Variants in FBXW10B observed in about 807,000 individuals in gnomAD.
FBXW10B encodes F-box and WD repeat domain containing 10B.
chr17:15,593,260 G>A, the FBXW10B span: 8 of 1,601,596 alleles, frequency 5.0e-6, no homozygotes, highest in African/African-American at 8.1e-5. Flanking sequence ...ATCCAGGGCT[G>A]GTATCCCAGG....
chr17:15,602,221 G>A, the FBXW10B span, among the ~76,000 whole-genome samples: 2 of 152,080 alleles, frequency 1.3e-5, no homozygotes, highest in Non-Finnish European at 2.9e-5. Flanking sequence ...TCAAGGAGGG[G>A]GATTTTGATT....
At chr17:15,578,396 C>T in the FBXW10B span, among the ~76,000 whole-genome samples, 3 of 151,576 alleles carry the variant, frequency 2.0e-5, no homozygotes, top group African/African-American at 7.3e-5. Flanking sequence ...AGTTTTATTT[C>T]CCAGCTTCAT....
chr17:15,606,671 A>G, the FBXW10B span, among the ~76,000 whole-genome samples: 1 of 151,892 alleles, frequency 6.6e-6, no homozygotes, highest in African/African-American at 2.4e-5. Flanking sequence ...GTATATGTAC[A>G]CACATATATA....
the FBXW10B span, among the ~76,000 whole-genome samples, chr17:15,601,403 C>T: frequency 4.8e-5 from 6 of 124,320 alleles, no homozygotes; most frequent in East Asian, 6.5e-4. Flanking sequence ...AGCAAGACTC[C>T]GTCTCAAAAA....
the FBXW10B span, among the ~76,000 whole-genome samples, chr17:15,567,692 T>C: frequency 0.017 from 2,576 of 152,232 alleles, 85 homozygotes; most frequent in African/African-American, 0.058. Flanking sequence ...AAATCCTGTC[T>C]CAGAGAAAAG....
At chr17:15,604,773 G>A in the FBXW10B span, among the ~76,000 whole-genome samples, 1 of 151,976 alleles carries the variant, frequency 6.6e-6, no homozygotes, top group Non-Finnish European at 1.5e-5. Context: ...TCCTGACCTC[G>A]TGACCCGCCC....
At chr17:15,595,918 CTTT>C in the FBXW10B span, among the ~76,000 whole-genome samples, 2 of 140,802 alleles carry the variant, frequency 1.4e-5, no homozygotes, top group Non-Finnish European at 3.1e-5. Flanking sequence ...ATGCAATACT[CTTT>C]TTTTTTTTTT....
At chr17:15,601,840 C>T in the FBXW10B span, among the ~76,000 whole-genome samples, 29 of 152,220 alleles carry the variant, frequency 1.9e-4, no homozygotes, top group Admixed American at 2.6e-4. Flanking sequence ...AGGCCGGGCG[C>T]GGTGGCTCAT....
the FBXW10B span, among the ~76,000 whole-genome samples, chr17:15,600,982 C>T: frequency 1.8e-5 from 2 of 111,786 alleles, no homozygotes; most frequent in Non-Finnish European, 3.3e-5. Flanking sequence ...ATCAGGGAGT[C>T]GGAGGTTACA....
the FBXW10B span, among the ~76,000 whole-genome samples, chr17:15,607,109 TCTA>T: frequency 6.6e-6 from 1 of 150,974 alleles, no homozygotes; most frequent in Non-Finnish European, 1.5e-5. Context: ...TAACACCACT[TCTA>T]CTAAAATATG....
the FBXW10B span, among the ~76,000 whole-genome samples, chr17:15,582,354 T>G: frequency 6.6e-6 from 1 of 151,868 alleles, no homozygotes; most frequent in Non-Finnish European, 1.5e-5. Context: ...AAATGAACAC[T>G]CTTTTCTAAC....
At chr17:15,594,901 A>T in the FBXW10B span, 4 of 1,221,992 alleles carry the variant, frequency 3.3e-6, no homozygotes, top group South Asian at 2.9e-5. Flanking sequence ...CTGCAAGAAA[A>T]GATACCACTG....
At chr17:15,598,687 C>T in the FBXW10B span, 1 of 1,592,736 alleles carries the variant, frequency 6.3e-7, no homozygotes, top group South Asian at 1.1e-5. Flanking sequence ...TGTGAGAGTT[C>T]CTGAGGGCCC....
chr17:15,588,810 T>G, the FBXW10B span: 2 of 1,419,466 alleles, frequency 1.4e-6, no homozygotes, highest in Non-Finnish European at 2.0e-6. Flanking sequence ...GTGATTGAGT[T>G]GAGTTGGAGA....
At chr17:15,603,699 C>T in the FBXW10B span, among the ~76,000 whole-genome samples, 2 of 149,422 alleles carry the variant, frequency 1.3e-5, no homozygotes, top group South Asian at 4.4e-4. Context: ...AAGAATATAC[C>T]TTTAAAAAAC....
the FBXW10B span, among the ~76,000 whole-genome samples, chr17:15,599,273 T>C: frequency 7.2e-6 from 1 of 139,076 alleles, no homozygotes; most frequent in Non-Finnish European, 1.5e-5. Context: ...TCTACCCCCA[T>C]AGGCCATTTG....
the FBXW10B span, among the ~76,000 whole-genome samples, chr17:15,592,232 C>A: frequency 1.1e-4 from 17 of 151,348 alleles, no homozygotes; most frequent in African/African-American, 2.4e-4. Flanking sequence ...TTTTAGACTT[C>A]CGTTCACTCA....
chr17:15,616,857 A>G, the FBXW10B span, among the ~76,000 whole-genome samples: 2 of 151,590 alleles, frequency 1.3e-5, no homozygotes, highest in Non-Finnish European at 2.9e-5. Context: ...CACAACCTGT[A>G]ATAGGACTTA....
At chr17:15,596,647 G>C in the FBXW10B span, 2 of 1,613,544 alleles carry the variant, frequency 1.2e-6, no homozygotes, top group Non-Finnish European at 1.7e-6. Flanking sequence ...GCACTTCCCT[G>C]TGTCTACATC....
Sources: gnomAD v4.1 joint callset for allele counts (sites outside exome capture counted in the v4.1 genomes callset) on GRCh38, gnomAD v4.1.1 for gene constraint, MANE v1.5 for transcripts, NCBI Gene and HGNC (gene_info 2026-07-23, HGNC 2026-07-21) for gene names.